The following BABAM2 variants were observed in gnomAD, a reference collection of about 807,000 sequenced individuals.
BABAM2 encodes the protein BRISC and BRCA1-A complex member 2.
Under a neutral mutation model 54.7 loss-of-function variants are expected in BABAM2, and 31 were observed. That is an observed-to-expected ratio of 0.57 (90% CI 0.43 to 0.77). The LOEUF is 0.77. Among genes scored for constraint, BABAM2 ranks in the 30% least tolerant of loss-of-function variants. The pLI is 0.00. For synonymous variants in BABAM2, 167 were observed against 162.9 expected (o/e 1.03, Z -0.19); for missense variants, 364 against 455.8 (o/e 0.80, Z 1.83).
At chr2:28,016,130 C>G (rs1172842859) in intron 4 of BABAM2, 1 of 1,200,614 alleles carries the variant, frequency 8.3e-7, no homozygotes, top group East Asian at 2.7e-5. Context: ...TCTTCAGAAT[C>G]AGAAGAACTG....
chr2:28,091,600 T>C (rs981915651), intron 6 of BABAM2, among the ~76,000 whole-genome samples: 6 of 152,174 alleles, frequency 3.9e-5, no homozygotes. Context: ...ACAGGAGAAT[T>C]ATACTTGAAC....
At chr2:28,026,340 T>C (rs7572814) in intron 5 of BABAM2, among the ~76,000 whole-genome samples, 11,976 of 152,114 alleles carry the variant, frequency 0.079, 804 homozygotes, top group African/African-American at 0.18. Flanking sequence ...CCCAAATGCC[T>C]ATCAGTGATA....
chr2:28,319,839 A>C (rs1689874077), intron 11 of BABAM2, among the ~76,000 whole-genome samples: 1 of 152,190 alleles, frequency 6.6e-6, no homozygotes, highest in South Asian at 2.1e-4. Context: ...CAAAGGCAAT[A>C]CACTTGCAGC....
At chr2:28,175,907 C>T (rs929649643) in intron 7 of BABAM2, among the ~76,000 whole-genome samples, 5 of 152,200 alleles carry the variant, frequency 3.3e-5, no homozygotes, top group Non-Finnish European at 7.3e-5. Flanking sequence ...CAAAACCTCA[C>T]CACAGCCTCT....
intron 7 of BABAM2, among the ~76,000 whole-genome samples, chr2:28,165,083 G>C (rs1272854338): frequency 6.6e-6 from 1 of 152,192 alleles, no homozygotes; most frequent in Non-Finnish European, 1.5e-5. Flanking sequence ...TCTGGGTGCA[G>C]AGGAATCAGT....
At chr2:28,046,679 A>G (rs993130144) in intron 6 of BABAM2, among the ~76,000 whole-genome samples, 1 of 152,176 alleles carries the variant, frequency 6.6e-6, no homozygotes, top group African/African-American at 2.4e-5. Context: ...ATACTAATCA[A>G]TAAATAATAT....
intron 10 of BABAM2, among the ~76,000 whole-genome samples, chr2:28,288,365 A>G (rs1253310417): frequency 6.9e-6 from 1 of 145,078 alleles, no homozygotes; most frequent in African/African-American, 2.6e-5. Context: ...TTGCTCTGTC[A>G]CCAAGGCTGG....
intron 7 of BABAM2, chr2:28,233,397 T>C (rs1681604398): frequency 5.2e-6 from 2 of 383,804 alleles, no homozygotes; most frequent in African/African-American, 4.2e-5. Flanking sequence ...TATTTTTTGA[T>C]TCATGAATAT....
chr2:28,165,529 C>T (rs1052655206), intron 7 of BABAM2, among the ~76,000 whole-genome samples: 191 of 72,100 alleles, frequency 2.6e-3, no homozygotes, highest in Middle Eastern at 0.04. Context: ...TTTTTCCTTG[C>T]TTTTTTTTTT....
chr2:28,140,924 T>A (rs1335221787), intron 7 of BABAM2, among the ~76,000 whole-genome samples: 3 of 152,176 alleles, frequency 2.0e-5, no homozygotes, highest in Non-Finnish European at 4.4e-5. Context: ...CAGATCAAGG[T>A]GCTAATAAAT....
intron 6 of BABAM2, among the ~76,000 whole-genome samples, chr2:28,095,500 A>G (rs1023526295): frequency 6.6e-6 from 1 of 152,148 alleles, no homozygotes; most frequent in Non-Finnish European, 1.5e-5. Context: ...ATAAATGGAG[A>G]CAAGCGAAGC....
chr2:28,025,916 C>A (rs1573418245), intron 5 of BABAM2, among the ~76,000 whole-genome samples: 1 of 152,220 alleles, frequency 6.6e-6, no homozygotes, highest in African/African-American at 2.4e-5. Flanking sequence ...GACCTTATCA[C>A]TTCTCTTCCC....
At chr2:28,245,593 C>T (rs958916464) in intron 10 of BABAM2, among the ~76,000 whole-genome samples, 1 of 152,174 alleles carries the variant, frequency 6.6e-6, no homozygotes. Flanking sequence ...CCCATGGAGT[C>T]AGGTTCAAGT....
chr2:28,190,237 G>A (rs991267334), intron 7 of BABAM2, among the ~76,000 whole-genome samples: 1 of 152,192 alleles, frequency 6.6e-6, no homozygotes, highest in African/African-American at 2.4e-5. Flanking sequence ...AGATTGAGTA[G>A]CTTATAAAAA....
chr2:28,168,833 T>TA (rs899136284), intron 7 of BABAM2, among the ~76,000 whole-genome samples: 5 of 152,330 alleles, frequency 3.3e-5, no homozygotes, highest in Non-Finnish European at 7.3e-5. Context: ...TCCAGTAACT[T>TA]ACCCAAGGAG....
At chr2:28,165,149 G>C (rs1409896580) in intron 7 of BABAM2, among the ~76,000 whole-genome samples, 2 of 152,332 alleles carry the variant, frequency 1.3e-5, no homozygotes, top group Middle Eastern at 3.4e-3. Flanking sequence ...TGTACTGCGG[G>C]AGAAAGACGT....
intron 8 of BABAM2, among the ~76,000 whole-genome samples, chr2:28,238,525 A>C (rs1173430902): frequency 6.6e-6 from 1 of 152,180 alleles, no homozygotes; most frequent in Non-Finnish European, 1.5e-5. Context: ...ATATTTCAAG[A>C]GCTTCAGTAT....
chr2:28,197,003 C>G (rs1460201020), intron 7 of BABAM2, among the ~76,000 whole-genome samples: 1 of 151,686 alleles, frequency 6.6e-6, no homozygotes, highest in Non-Finnish European at 1.5e-5. Context: ...TGCCACCCAC[C>G]TAGTTAATTT....
intron 2 of BABAM2, among the ~76,000 whole-genome samples, chr2:27,898,960 A>T (rs1665553972): frequency 6.6e-6 from 1 of 151,806 alleles, no homozygotes; most frequent in African/African-American, 2.4e-5. Flanking sequence ...CTGTCATTAA[A>T]AAAAAAAAAC....
Sources: gnomAD v4.1 joint callset for allele counts (sites outside exome capture counted in the v4.1 genomes callset) on GRCh38, gnomAD v4.1.1 for gene constraint, MANE v1.5 for transcripts, NCBI Gene and HGNC (gene_info 2026-07-23, HGNC 2026-07-21) for gene names.